Variants in MAMLD1 observed in about 807,000 individuals in gnomAD.
The protein encoded by MAMLD1 is mastermind like domain containing 1, also known as mastermind-like domain-containing protein 1.
A neutral mutation model predicts 45.0 loss-of-function variants in MAMLD1; 14 were observed. That is an observed-to-expected ratio of 0.31 (90% CI 0.21 to 0.49). The LOEUF (loss-of-function observed/expected upper bound fraction) is 0.49. MAMLD1 is among the 20% of genes least tolerant of loss of function. The probability of loss-of-function intolerance (pLI) is 0.99; values close to 1 mark genes in which losing one functional copy is unlikely to be tolerated. For missense variants in MAMLD1, 543 were observed against 603.6 expected (o/e 0.90, Z 1.05); for synonymous variants, 254 against 247.8 (o/e 1.02, Z -0.24).
intron 5 of MAMLD1, among the ~76,000 whole-genome samples, chrX:150,482,470 T>G (rs1166650855): frequency 8.9e-6 from 1 of 112,667 alleles, no homozygotes; most frequent in Non-Finnish European, 1.9e-5. Flanking sequence ...GTGAGTGCAC[T>G]TAATGCCACT....
chrX:150,392,732 A>T (rs2033239749), intron 1 of MAMLD1, among the ~76,000 whole-genome samples: 1 of 110,234 alleles, frequency 9.1e-6, no homozygotes, highest in Admixed American at 9.6e-5. Context: ...CCTTTTCCAC[A>T]GTCCTTTTAC....
chrX:150,401,767 C>T (rs2033777609), intron 1 of MAMLD1, among the ~76,000 whole-genome samples: 2 of 111,415 alleles, frequency 1.8e-5, no homozygotes, highest in East Asian at 2.8e-4. Context: ...AATAATGCTG[C>T]ATATCTACAA....
At chrX:150,381,058 A>T (rs1328691378) in intron 1 of MAMLD1, among the ~76,000 whole-genome samples, 4 of 110,434 alleles carry the variant, frequency 3.6e-5, no homozygotes, top group Non-Finnish European at 5.7e-5. Flanking sequence ...ACAAATGTTC[A>T]TCTTGCTCCA....
At chrX:150,428,388 C>A (rs1387163718) in intron 1 of MAMLD1, among the ~76,000 whole-genome samples, 1 of 112,713 alleles carries the variant, frequency 8.9e-6, no homozygotes, top group African/African-American at 3.2e-5. Context: ...AAGTTGAAGA[C>A]CCACAGATTT....
At chrX:150,456,321 A>T (rs1363990831) in intron 2 of MAMLD1, among the ~76,000 whole-genome samples, 1 of 109,267 alleles carries the variant, frequency 9.2e-6, no homozygotes, top group African/African-American at 3.3e-5. Context: ...GCCACCTGCA[A>T]CTCCTTCACC....
intron 1 of MAMLD1, among the ~76,000 whole-genome samples, chrX:150,364,871 G>T (rs925819355): frequency 2.7e-5 from 3 of 112,352 alleles, no homozygotes; most frequent in African/African-American, 9.7e-5. Flanking sequence ...GCCCCGGCCC[G>T]CGCCTGGGGA....
rs782343804 is a variant in MAMLD1 at position 150,512,400 on chromosome X, C to T, written c.*441C>T. On this transcript the variant is annotated 3_prime_UTR_variant, in exon 8 of 8. Transcript: ENST00000370401. Reference sequence around the variant, plus strand: ...CCTAGTGTGCCAAGAATGCCCACTGCGTTCAACAATGCTGCATGGGTCACA... The same window carrying T: ...CCTAGTGTGCCAAGAATGCCCACTGTGTTCAACAATGCTGCATGGGTCACA... 16 of 1,147,656 alleles carry T rather than the reference C, an allele frequency of 1.4e-5. No homozygotes were observed. In the East Asian group the frequency reaches 4.3e-4, roughly 31 times the overall value. 94.6% of individuals were successfully genotyped at this position (1,147,656 alleles called of 1,213,427 possible).
rs150686583 is a variant in MAMLD1 at position 150,437,319 on chromosome X, G to C, written c.-63-8135G>C. Among the ~76,000 whole-genome samples the C allele has an allele frequency of 5.4e-4, 61 of 111,983 alleles. 1 individual carries two copies. In the East Asian group the frequency reaches 0.014, roughly 26 times the overall value. Reference sequence around the variant, plus strand: ...TGTTCACAGTGTCAGCGATGGCAATGTGGCATGGAGGCAGCTACTTCTTCT... The same window carrying C: ...TGTTCACAGTGTCAGCGATGGCAATCTGGCATGGAGGCAGCTACTTCTTCT... On this transcript the variant is annotated intron_variant, in intron 1 of 7. Coordinates refer to ENST00000370401, the MANE Select transcript of MAMLD1 (RefSeq NM_005491.5).
At chrX:150,385,277 T>TACACACAC (rs3066918) in intron 1 of MAMLD1, among the ~76,000 whole-genome samples, 1,376 of 93,999 alleles carry the variant, frequency 0.015, 20 homozygotes, top group African/African-American at 0.03. Context: ...TGAACAATAC[T>TACACACAC]ACACACACAC....
At chrX:150,459,069 A>G (rs1185821766) in intron 2 of MAMLD1, among the ~76,000 whole-genome samples, 1 of 112,246 alleles carries the variant, frequency 8.9e-6, no homozygotes. Context: ...GTGTCCTGGC[A>G]ATGAGGAGGA....
At chrX:150,386,490 T>C (rs2032934073) in intron 1 of MAMLD1, among the ~76,000 whole-genome samples, 1 of 111,522 alleles carries the variant, frequency 9.0e-6, no homozygotes, top group East Asian at 2.8e-4. Flanking sequence ...CCAGGAGCAT[T>C]GTCCAATATC....
chrX:150,512,160 T>C lies in MAMLD1; in HGVS notation c.*201T>C. 8.7e-7 allele frequency: 1 copy of C among 1,146,384 alleles called. No homozygotes were observed. The highest frequency in any genetic ancestry group is 1.2e-6 in the Non-Finnish European group (1 of 867,783). The allele number at this position is 1,146,384 out of a possible 1,213,427, so 94.5% of individuals were successfully genotyped here. On this transcript the variant is annotated 3_prime_UTR_variant, in exon 8 of 8. Coordinates refer to ENST00000370401, the MANE Select transcript of MAMLD1 (RefSeq NM_005491.5). ...CACCAGAGCTGCGAGGGCATGGGAG[T>C]GATCTCACCAACTCTGGGGAAGCGG...
chrX:150,407,334 T>G (rs2034023329), intron 1 of MAMLD1, among the ~76,000 whole-genome samples: 1 of 112,294 alleles, frequency 8.9e-6, no homozygotes, highest in South Asian at 3.7e-4. Context: ...AATGTGAAAT[T>G]AAAATATCTA....
chrX:150,494,523 G>T (rs1370792319), intron 5 of MAMLD1, among the ~76,000 whole-genome samples: 1 of 112,468 alleles, frequency 8.9e-6, no homozygotes, highest in Non-Finnish European at 1.9e-5. Context: ...TAATTATTCT[G>T]CTTTTCTACA....
chrX:150,409,085 A>T (rs2034063445), intron 1 of MAMLD1, among the ~76,000 whole-genome samples: 1 of 111,367 alleles, frequency 9.0e-6, no homozygotes, highest in African/African-American at 3.3e-5. Flanking sequence ...CATGTCACTA[A>T]ATTTGCTCTG....
intron 1 of MAMLD1, among the ~76,000 whole-genome samples, chrX:150,441,851 G>T (rs1215638613): frequency 9.0e-6 from 1 of 111,335 alleles, no homozygotes. Context: ...CTGTGTAGTT[G>T]TTCTATCAGT....
At chrX:150,500,920 G>A (rs1305559093) in intron 5 of MAMLD1, among the ~76,000 whole-genome samples, 1 of 111,962 alleles carries the variant, frequency 8.9e-6, no homozygotes, top group African/African-American at 3.3e-5. Context: ...GTGTTAACTG[G>A]GGATTGCATT....
intron 2 of MAMLD1, among the ~76,000 whole-genome samples, chrX:150,457,207 A>C (rs1299710600): frequency 1.8e-5 from 2 of 112,507 alleles, no homozygotes; most frequent in Non-Finnish European, 3.8e-5. Flanking sequence ...TGTTGCCTAC[A>C]TCTGCCTCTG....
intron 1 of MAMLD1, among the ~76,000 whole-genome samples, chrX:150,406,046 G>A (rs1392638986): frequency 1.8e-5 from 2 of 111,467 alleles, no homozygotes; most frequent in African/African-American, 6.5e-5. Context: ...GGTCTTGAAC[G>A]TTTATTCAGC....
Sources: gnomAD v4.1 joint callset for allele counts (sites outside exome capture counted in the v4.1 genomes callset) on GRCh38, gnomAD v4.1.1 for gene constraint, MANE v1.5 for transcripts, NCBI Gene and HGNC (gene_info 2026-07-23, HGNC 2026-07-21) for gene names.